CCDC170: variants seen among roughly 807,000 people sequenced by gnomAD.
The protein encoded by CCDC170 is coiled-coil domain-containing protein 170.
In CCDC170, 69 loss-of-function variants were observed where a neutral mutation model predicts 72.6. The observed-to-expected ratio is 0.95, with a 90% CI of 0.78 to 1.16. The LOEUF (loss-of-function observed/expected upper bound fraction) is 1.16. CCDC170 is among the 50% of genes most tolerant of loss of function. The pLI is 0.00. For missense variants in CCDC170, 852 were observed against 832.5 expected (o/e 1.02, Z -0.29); for synonymous variants, 300 against 303.9 (o/e 0.99, Z 0.13).
intron 4 of CCDC170, among the ~76,000 whole-genome samples, chr6:151,546,160 G>T (rs1037070254): frequency 6.6e-6 from 1 of 152,138 alleles, no homozygotes; most frequent in Non-Finnish European, 1.5e-5. Context: ...GCCGCAAGAT[G>T]ACTTCATTCG....
intron 1 of CCDC170, among the ~76,000 whole-genome samples, chr6:151,497,130 C>T (rs1348193586): frequency 6.6e-6 from 1 of 152,206 alleles, no homozygotes; most frequent in Non-Finnish European, 1.5e-5. Flanking sequence ...GAAGAATTGA[C>T]AGTTTACAAT....
At chr6:151,595,715 G>C (rs1776611266) in intron 8 of CCDC170, among the ~76,000 whole-genome samples, 2 of 152,082 alleles carry the variant, frequency 1.3e-5, no homozygotes, top group South Asian at 4.1e-4. Flanking sequence ...TACTTGGGCG[G>C]CTGAGAGGTG....
intron 1 of CCDC170, among the ~76,000 whole-genome samples, chr6:151,495,996 C>T (rs889631717): frequency 1.3e-5 from 2 of 152,188 alleles, no homozygotes; most frequent in African/African-American, 4.8e-5. Flanking sequence ...CTCAGGATCA[C>T]ACACTGTATT....
At chr6:151,513,482 C>T (rs1782178159) in intron 1 of CCDC170, among the ~76,000 whole-genome samples, 2 of 151,652 alleles carry the variant, frequency 1.3e-5, no homozygotes, top group South Asian at 4.2e-4. Context: ...TGGTGGTGCA[C>T]ACCTGTAGTT....
chr6:151,516,764 A>G (rs1032554319), intron 1 of CCDC170, among the ~76,000 whole-genome samples: 3 of 152,170 alleles, frequency 2.0e-5, no homozygotes, highest in Non-Finnish European at 2.9e-5. Flanking sequence ...TAGGGCCCAG[A>G]GATTGGTTCA....
intron 3 of CCDC170, among the ~76,000 whole-genome samples, chr6:151,542,497 C>T (rs1782707902): frequency 6.6e-6 from 1 of 152,190 alleles, no homozygotes; most frequent in Non-Finnish European, 1.5e-5. Context: ...GCTGGGATTA[C>T]AGGCGTGAGC....
At chr6:151,579,926 TG>T (rs917501718) in intron 6 of CCDC170, among the ~76,000 whole-genome samples, 1 of 152,228 alleles carries the variant, frequency 6.6e-6, no homozygotes, top group Non-Finnish European at 1.5e-5. Flanking sequence ...ATTAGTTACT[TG>T]CTTCAGTTAA....
rs1046406130 is a variant in CCDC170, at chr6:151,494,271, C to T, written c.57+86C>T. On this transcript the variant is annotated intron_variant, in intron 1 of 10. Transcript: ENST00000239374. Reference sequence around the variant, plus strand: ...GGCCGAGGCGCCCCTGATTTGCACCCTTTTCCTCCCGGAGGCGTGGGCAGA... The same window carrying T: ...GGCCGAGGCGCCCCTGATTTGCACCTTTTTCCTCCCGGAGGCGTGGGCAGA... 11 of 1,333,648 alleles carry T rather than the reference C, an allele frequency of 8.2e-6. No individual in the cohort carries two copies. In the Admixed American group the frequency reaches 3.1e-4, roughly 37 times the overall value. 82.6% of individuals were successfully genotyped at this position (1,333,648 alleles called of 1,614,324 possible).
chr6:151,559,126 C>T (rs1253033399), intron 5 of CCDC170, among the ~76,000 whole-genome samples: 1 of 150,298 alleles, frequency 6.7e-6, no homozygotes, highest in African/African-American at 2.5e-5. Flanking sequence ...GATTCTCGTG[C>T]CCAGCTTCCT....
At chr6:151,494,897 T>A (rs1372025611) in intron 1 of CCDC170, among the ~76,000 whole-genome samples, 1 of 152,204 alleles carries the variant, frequency 6.6e-6, no homozygotes, top group Non-Finnish European at 1.5e-5. Flanking sequence ...AATCCCCCTT[T>A]GGCCTTGGCA....
At chr6:151,502,925 T>C (rs1323006146) in intron 1 of CCDC170, among the ~76,000 whole-genome samples, 5 of 152,224 alleles carry the variant, frequency 3.3e-5, no homozygotes, top group African/African-American at 1.2e-4. Context: ...ATCCCAGCAC[T>C]TTGGGAGGCT....
rs576744956 is a variant in CCDC170 at position 151,505,987 on chromosome 6, G to C, written c.57+11802G>C. ...ATGGTGGTGTGTGCCTGTAGTTCCA[G>C]CTACTCAGGAGGTTGGGGCAGGAGG... On this transcript the variant is annotated intron_variant, in intron 1 of 10. Transcript: ENST00000239374. Among the ~76,000 whole-genome samples the C allele has an allele frequency of 2.5e-4, 38 of 152,252 alleles. 1 individual carries two copies. In the South Asian group the frequency reaches 7.9e-3, roughly 32 times the overall value.
At chr6:151,542,454 T>C (rs1256537273) in intron 3 of CCDC170, among the ~76,000 whole-genome samples, 1 of 152,182 alleles carries the variant, frequency 6.6e-6, no homozygotes. Context: ...ATCCCTGGCC[T>C]CAAGCAATCC....
chr6:151,573,320 G>A lies in CCDC170; in HGVS notation c.921G>A (p.Lys307=), dbSNP rs1776251543. ...LLKKSSSELE[K]SLKASQDAVT... is the part of the protein sequence containing the mutation. ...AGAAAAGCTCTTCTGAGTTGGAGAA[G>A]AGTTTGAAGGCCAGTCAGGATGCAG... The change falls in exon 6 of 11, where the codon AAG becomes AAA. Residue 307 remains lysine (K), a synonymous_variant. Coordinates refer to ENST00000239374, the MANE Select transcript of CCDC170 (RefSeq NM_025059.4). 6.2e-7 allele frequency: 1 copy of A among 1,614,086 alleles called. No homozygotes were observed. The highest frequency in any genetic ancestry group is 8.5e-7 in the Non-Finnish European group (1 of 1,180,042).
At chr6:151,610,279 T>C (rs1358302915) in intron 9 of CCDC170, among the ~76,000 whole-genome samples, 1 of 152,228 alleles carries the variant, frequency 6.6e-6, no homozygotes, top group Non-Finnish European at 1.5e-5. Context: ...TGTATACATA[T>C]ATATCAAAAA....
intron 1 of CCDC170, among the ~76,000 whole-genome samples, chr6:151,521,378 A>G (rs1177370058): frequency 6.6e-6 from 1 of 152,162 alleles, no homozygotes; most frequent in African/African-American, 2.4e-5. Flanking sequence ...TGTTAATACT[A>G]TTTGTTCTGA....
At chr6:151,494,231 A>G (rs763217767) in intron 1 of CCDC170, 46 bp downstream of exon 1, 1 of 1,471,428 alleles carries the variant, frequency 6.8e-7, no homozygotes, top group South Asian at 1.3e-5. Flanking sequence ...CCCTGGGGAT[A>G]GACGACCCAG....
At chr6:151,574,307 C>A (rs1776270960) in intron 6 of CCDC170, among the ~76,000 whole-genome samples, 1 of 152,232 alleles carries the variant, frequency 6.6e-6, no homozygotes, top group Non-Finnish European at 1.5e-5. Context: ...GATGCAGGTT[C>A]TGGAGTTGGA....
chr6:151,596,427 A>G lies in CCDC170; in HGVS notation c.1560A>G (p.Ala520=), dbSNP rs781444753. 2 of 1,614,150 alleles carry G rather than the reference A, an allele frequency of 1.2e-6. No individual in the cohort carries two copies. The highest frequency in any genetic ancestry group is 1.7e-6 in the Non-Finnish European group (2 of 1,180,026). ...KIAQLEEEKQ[A]RTALVVERDN... ...CCCAGCTGGAGGAGGAGAAGCAGGC[A>G]CGCACGGCCTTGGTGGTTGAGAGGG... is the stretch of plus-strand genomic sequence containing the variant. Residue 520 remains alanine, a synonymous_variant, in exon 9 of 11, where the codon GCA becomes GCG. Transcript: ENST00000239374.
Sources: gnomAD v4.1 joint callset for allele counts (sites outside exome capture counted in the v4.1 genomes callset) on GRCh38, gnomAD v4.1.1 for gene constraint, MANE v1.5 for transcripts, NCBI Gene and HGNC (gene_info 2026-07-23, HGNC 2026-07-21) for gene names.